The following YBX1 variants were observed in gnomAD, a reference collection of about 807,000 sequenced individuals.
The protein encoded by YBX1 is Y-box binding protein 1.
YBX1 carries 3 observed loss-of-function variants against 41.4 expected under a neutral mutation model. That is an observed-to-expected ratio of 0.07 (90% confidence interval 0.03 to 0.19). The LOEUF (loss-of-function observed/expected upper bound fraction) is 0.19. YBX1 is among the 10% of genes least tolerant of loss of function. YBX1 has a pLI of 1.00. For synonymous variants in YBX1, 133 were observed against 165.8 expected (o/e 0.80, Z 1.52); for missense variants, 274 against 462.8 (o/e 0.59, Z 3.74).
Position 42,696,122 on chromosome 1 carries a change from T to A in YBX1, c.265-77T>A, listed in dbSNP as rs555189932. ...AGTGTATATCCAAGCTAAAATAATATTGACTCTGGTACATTTTAAATGAAA... is the reference window on the plus strand; with the variant it reads ...AGTGTATATCCAAGCTAAAATAATAATGACTCTGGTACATTTTAAATGAAA... On this transcript the variant is annotated intron_variant, in intron 3 of 7. Coordinates refer to ENST00000321358, the MANE Select transcript of YBX1 (RefSeq NM_004559.5). The surrounding 1 kb of genome is among the most constrained non-coding windows in gnomAD (Gnocchi z 5.7). 2 of 1,263,900 alleles carry A rather than the reference T, an allele frequency of 1.6e-6. No homozygotes were observed. The highest frequency in any genetic ancestry group is 2.4e-5 in the East Asian group (1 of 41,656). The allele number at this position is 1,263,900 out of a possible 1,614,324, so 78.3% of individuals were successfully genotyped here.
At chr1:42,698,014 A>G (rs572472607) in intron 6 of YBX1, among the ~76,000 whole-genome samples, 1 of 152,320 alleles carries the variant, frequency 6.6e-6, no homozygotes, top group African/African-American at 2.4e-5. Flanking sequence ...CCTCTGAAGA[A>G]TCAAACCAAT....
At position 42,696,616 on chromosome 1, in the gene YBX1, C is replaced by G. The variant is rs753888003; in HGVS notation, c.355-26C>G. ...GAAAGTGTTCTGATTTCCTTTGTCACTATCAATATGTAATGGCTTTTGTAG... is the reference window on the plus strand; with the variant it reads ...GAAAGTGTTCTGATTTCCTTTGTCAGTATCAATATGTAATGGCTTTTGTAG... On this transcript the variant is annotated intron_variant, in intron 4 of 7. Coordinates refer to ENST00000321358, the MANE Select transcript of YBX1 (RefSeq NM_004559.5). The surrounding 1 kb of genome is among the most constrained non-coding windows in gnomAD (Gnocchi z 5.7). 1.4e-6 allele frequency: 2 copies of G among 1,406,216 alleles called. No homozygotes were observed. Among genetic ancestry groups the G allele is most frequent in the East Asian group, 5.4e-5 (2 of 37,138 alleles). 87.1% of individuals were successfully genotyped at this position (1,406,216 alleles called of 1,614,324 possible). A position where few individuals can be genotyped will look rare whatever the true frequency, so the allele number is the denominator to read the frequency against.
intron 1 of YBX1, chr1:42,683,126 G>A (rs1230619999): frequency 3.3e-6 from 2 of 611,972 alleles, no homozygotes; most frequent in Non-Finnish European, 6.0e-6. Flanking sequence ...GGCCGGAGCG[G>A]CTTCCCCTTC....
In YBX1 at chr1:42,696,694, G is replaced by A; in HGVS notation, c.407G>A (p.Ser136Asn). 1 of 1,606,964 alleles carries A rather than the reference G, an allele frequency of 6.2e-7. No individual in the cohort carries two copies. ...TGPGGVPVQGSKYAADRNHYR... is the reference protein window; with the variant it reads ...TGPGGVPVQGNKYAADRNHYR... ...CCTGGTGGTGTTCCAGTTCAAGGCA[G>A]TAAATATGCAGCAGACCGTAACCAT... Residue 136 changes from serine to asparagine, a missense_variant, in exon 5 of 8, where the codon AGT becomes AAT. Transcript: ENST00000321358. The surrounding 1 kb of genome is among the most constrained non-coding windows in gnomAD (Gnocchi z 5.7).
intron 2 of YBX1, among the ~76,000 whole-genome samples, chr1:42,690,632 G>A (rs1396388617): frequency 6.6e-6 from 1 of 152,164 alleles, no homozygotes; most frequent in African/African-American, 2.4e-5. Context: ...ACTTTATCCA[G>A]CTTTGGAGTT....
At chr1:42,698,065 T>C (rs564301775) in intron 6 of YBX1, among the ~76,000 whole-genome samples, 15 of 152,308 alleles carry the variant, frequency 9.8e-5, no homozygotes, top group African/African-American at 3.6e-4. Flanking sequence ...AAATCGCAAC[T>C]TTTAAATCCC....
At chr1:42,699,058 G>A (rs1264232071) in intron 6 of YBX1, among the ~76,000 whole-genome samples, 1 of 152,096 alleles carries the variant, frequency 6.6e-6, no homozygotes. Context: ...AAAAAGGGAG[G>A]TTTTTTGTTG....
At chr1:42,691,603 C>T (rs1013137967) in intron 2 of YBX1, among the ~76,000 whole-genome samples, 3 of 152,078 alleles carry the variant, frequency 2.0e-5, no homozygotes, top group Non-Finnish European at 4.4e-5. Context: ...CAGTCAGAGC[C>T]ACCACAAAAT....
chr1:42,686,019 CTG>C (rs1650187847), intron 2 of YBX1, among the ~76,000 whole-genome samples: 1 of 152,148 alleles, frequency 6.6e-6, no homozygotes, highest in South Asian at 2.1e-4. Flanking sequence ...CTTTTGTGAA[CTG>C]TGTCTACAAA....
chr1:42,688,481 C>G (rs1275370763), intron 2 of YBX1, among the ~76,000 whole-genome samples: 1 of 152,170 alleles, frequency 6.6e-6, no homozygotes, highest in Non-Finnish European at 1.5e-5. Context: ...ATCATAACTG[C>G]ACGACATTCA....
rs976769957 is a variant in YBX1, at chr1:42,703,330, C to G, written c.*1381C>G. Among the ~76,000 whole-genome samples the G allele has an allele frequency of 2.0e-5, 3 of 152,070 alleles. No homozygotes were observed. Among genetic ancestry groups the G allele is most frequent in the Admixed American group, 2.0e-4 (3 of 15,266 alleles). The stretch of plus-strand genomic sequence containing the variant: ...CTGCCCCGAAACACTCCAGATCATC[C>G]TGGCCAGCTATCAGGGCCCAGGGGA... On this transcript the variant is annotated 3_prime_UTR_variant, in exon 8 of 8. Coordinates refer to ENST00000321358, the MANE Select transcript of YBX1 (RefSeq NM_004559.5).
In YBX1 at chr1:42,696,381, G is replaced by A. The variant is rs1650458052; in HGVS notation, c.354+93G>A. 2 of 1,304,562 alleles carry A rather than the reference G, an allele frequency of 1.5e-6. No individual in the cohort carries two copies. The highest frequency in any genetic ancestry group is 2.3e-5 in the East Asian group (1 of 42,664). The allele number at this position is 1,304,562 out of a possible 1,614,324, so 80.8% of individuals were successfully genotyped here. On this transcript the variant is annotated intron_variant, in intron 4 of 7. Coordinates refer to ENST00000321358, the MANE Select transcript of YBX1 (RefSeq NM_004559.5). The surrounding 1 kb of genome is among the most constrained non-coding windows in gnomAD (Gnocchi z 5.7). ...GATGGTGGCTCTAATGTGGATGGAT[G>A]TGTTCAGGTGACCTCATGAACACAG...
chr1:42,699,122 A>T (rs1650531967), intron 6 of YBX1, among the ~76,000 whole-genome samples: 1 of 152,220 alleles, frequency 6.6e-6, no homozygotes, highest in African/African-American at 2.4e-5. Context: ...TGATGGCAGG[A>T]AAGTGACTGC....
At chr1:42,691,282 A>ATATC (rs1650321528) in intron 2 of YBX1, among the ~76,000 whole-genome samples, 1 of 152,158 alleles carries the variant, frequency 6.6e-6, no homozygotes, top group South Asian at 2.1e-4. Flanking sequence ...TTAGTTTCAC[A>ATATC]TATCTATCTA....
intron 2 of YBX1, among the ~76,000 whole-genome samples, chr1:42,684,218 CGTCTT>C (rs2148734748): frequency 6.6e-6 from 1 of 152,340 alleles, no homozygotes; most frequent in Admixed American, 6.5e-5. Context: ...GCTGCAGACA[CGTCTT>C]TAGGACTTAC....
In YBX1 at chr1:42,700,981, C is replaced by G; in HGVS notation, c.941C>G (p.Ser314Cys). The G allele has an allele frequency of 3.1e-6, 5 of 1,614,152 alleles. No homozygotes were observed. Among genetic ancestry groups the G allele is most frequent in the Non-Finnish European group, 4.2e-6 (5 of 1,180,038 alleles). The change falls in exon 7 of 8, where the codon TCC (serine) becomes TGC (cysteine). Residue 314 changes from serine (S) to cysteine (C), a missense_variant. Ser to Cys is a moderately radical substitution (Grantham distance 112). Around this residue, in one of 3 missense-constraint regions of YBX1, gnomAD observed 187 missense variants for 306.3 expected, o/e 0.61. Coordinates refer to ENST00000321358, the MANE Select transcript of YBX1 (RefSeq NM_004559.5). ...KAADPPAENS[S>C]APEAEQGGAE ...GCCGATCCACCAGCTGAGAATTCGTCCGCTCCCGAGGCTGAGCAGGGCGGG... is the reference window on the plus strand; with the variant it reads ...GCCGATCCACCAGCTGAGAATTCGTGCGCTCCCGAGGCTGAGCAGGGCGGG...
intron 6 of YBX1, among the ~76,000 whole-genome samples, chr1:42,698,816 G>A (rs1217163647): frequency 6.6e-6 from 1 of 152,188 alleles, no homozygotes; most frequent in Non-Finnish European, 1.5e-5. Flanking sequence ...AGTTGCAGAA[G>A]TAACATAAAA....
Position 42,693,534 on chromosome 1 carries a change from G to A in YBX1, c.264+11G>A. On this transcript the variant is annotated intron_variant, in intron 3 of 7. Transcript: ENST00000321358. ...GTATTTGTACACCAGGTGAGTGCTT[G>A]TGTAGATATTTGCACTTCTGATTCA... is the stretch of plus-strand genomic sequence containing the variant. 1.9e-6 allele frequency: 3 copies of A among 1,613,424 alleles called. No individual in the cohort carries two copies. The highest frequency in any genetic ancestry group is 2.5e-6 in the Non-Finnish European group (3 of 1,179,554).
chr1:42,697,010 A>T (rs1055246022), intron 5 of YBX1, 66 bp downstream of exon 5: 4 of 1,487,524 alleles, frequency 2.7e-6, no homozygotes, highest in Middle Eastern at 3.6e-4. Context: ...GCTGTTAATT[A>T]TATGGAAAGC....
Sources: allele counts gnomAD v4.1 joint callset (sites outside exome capture counted in the v4.1 genomes callset), GRCh38; gene constraint gnomAD v4.1.1; regional missense constraint gnomAD v4.1.1; non-coding constraint Gnocchi (gnomAD v3.1); transcripts MANE v1.5; gene names NCBI Gene and HGNC (gene_info 2026-07-23, HGNC 2026-07-21).